The following TMEM132D variants were observed in gnomAD, a reference collection of about 807,000 sequenced individuals.
TMEM132D encodes the protein transmembrane protein 132D, also known as mature OL transmembrane protein.
In TMEM132D, 21 loss-of-function variants were observed where a neutral mutation model predicts 62.3. That is an observed-to-expected ratio of 0.34 (90% CI 0.24 to 0.49). The LOEUF is 0.49. TMEM132D is among the 20% of genes least tolerant of loss of function. The pLI is 0.99. For missense variants in TMEM132D, 1,346 were observed against 1,402.8 expected (o/e 0.96, Z 0.65); for synonymous variants, 621 against 575.6 (o/e 1.08, Z -1.13).
At chr12:129,479,418 TG>T (rs980467455) in intron 3 of TMEM132D, among the ~76,000 whole-genome samples, 9 of 152,202 alleles carry the variant, frequency 5.9e-5, no homozygotes, top group African/African-American at 1.7e-4. Context: ...AATTTCTTGG[TG>T]GGGGGAATCC....
chr12:129,666,801 C>T (rs572074150), intron 2 of TMEM132D, among the ~76,000 whole-genome samples: 15 of 152,234 alleles, frequency 9.9e-5, no homozygotes, highest in South Asian at 4.1e-4. Context: ...AATTGAGTTA[C>T]TGGAGAAACA....
At chr12:129,293,175 A>C (rs1881491500) in intron 4 of TMEM132D, among the ~76,000 whole-genome samples, 1 of 152,106 alleles carries the variant, frequency 6.6e-6, no homozygotes, top group Admixed American at 6.5e-5. Context: ...AAGCATCCTC[A>C]TGTGCCCAGG....
chr12:129,390,997 T>G (rs533278564), intron 3 of TMEM132D, among the ~76,000 whole-genome samples: 1 of 152,342 alleles, frequency 6.6e-6, no homozygotes, highest in South Asian at 2.1e-4. Context: ...TACACACTCA[T>G]GCATATCTAG....
chr12:129,406,052 A>G (rs1871774667), intron 3 of TMEM132D, among the ~76,000 whole-genome samples: 1 of 152,244 alleles, frequency 6.6e-6, no homozygotes, highest in Admixed American at 6.5e-5. Flanking sequence ...TTTCTTCATA[A>G]ACACACATTC....
At position 129,089,217 on chromosome 12, in the gene TMEM132D, G is replaced by A. The variant is rs547586487; in HGVS notation, c.1444-4515C>T. Among the ~76,000 whole-genome samples, 169 of 37,242 alleles carry A rather than the reference G, an allele frequency of 4.5e-3. 52 individuals carry two copies. Among genetic ancestry groups the A allele is most frequent in the Non-Finnish European group, 5.9e-3 (136 of 23,176 alleles). 24.4% of individuals were successfully genotyped at this position (37,242 alleles called of 152,430 possible). A position where few individuals can be genotyped will look rare whatever the true frequency, so the allele number is the denominator to read the frequency against. ...CCATGACCGGGTGTCCTCTATGACC[G>A]GGTGTCCTCTATGACCGGGTGTCCT... On this transcript the variant is annotated intron_variant, in intron 5 of 8. Coordinates refer to ENST00000422113, the MANE Select transcript of TMEM132D (RefSeq NM_133448.3).
intron 3 of TMEM132D, among the ~76,000 whole-genome samples, chr12:129,437,682 A>G (rs947155369): frequency 6.6e-6 from 1 of 152,102 alleles, no homozygotes; most frequent in Non-Finnish European, 1.5e-5. Context: ...CATAGGATAC[A>G]GACATTCCAT....
chr12:129,512,521 T>G (rs7304719), intron 3 of TMEM132D, among the ~76,000 whole-genome samples: 2,224 of 152,270 alleles, frequency 0.015, 58 homozygotes, highest in African/African-American at 0.05. Context: ...CCCAGCAATA[T>G]TGTAGTGTAA....
intron 5 of TMEM132D, among the ~76,000 whole-genome samples, chr12:129,147,062 T>C (rs1013285311): frequency 6.6e-6 from 1 of 151,986 alleles, no homozygotes. Flanking sequence ...GCAAGAATAA[T>C]GCAAAGAAAA....
At chr12:129,180,779 T>G (rs1808656186) in intron 5 of TMEM132D, among the ~76,000 whole-genome samples, 1 of 110,336 alleles carries the variant, frequency 9.1e-6, no homozygotes, top group African/African-American at 3.1e-5. Flanking sequence ...CCTTGTCTTC[T>G]CTTCATCAGG....
At position 129,373,677 on chromosome 12, in the gene TMEM132D, A is replaced by T. The variant is rs574935751; in HGVS notation, c.1116-35860T>A. On this transcript the variant is annotated intron_variant, in intron 3 of 8. Transcript: ENST00000422113. The stretch of plus-strand genomic sequence containing the variant: ...ACAAAATAAAAAAAACAACAAAAAA[A>T]CATTTAAAAGCGGCAGGAAGCATGT... Among the ~76,000 whole-genome samples the T allele has an allele frequency of 5.0e-3, 757 of 152,226 alleles. 7 individuals carry two copies. The highest frequency in any genetic ancestry group is 0.014 in the Middle Eastern group (4 of 294).
At chr12:129,785,755 G>A (rs138243386) in intron 1 of TMEM132D, among the ~76,000 whole-genome samples, 223 of 152,246 alleles carry the variant, frequency 1.5e-3, no homozygotes, top group African/African-American at 5.2e-3. Context: ...TCAGTCTATC[G>A]TATTTTTGTT....
At chr12:129,218,389 TAC>T (rs1879267460) in intron 4 of TMEM132D, among the ~76,000 whole-genome samples, 2 of 152,298 alleles carry the variant, frequency 1.3e-5, no homozygotes, top group South Asian at 2.1e-4. Context: ...CAGAGCATAC[TAC>T]ACACCTGGCC....
Position 129,190,065 on chromosome 12 carries a change from C to CGGCCTGCAGATGGAGGAAGGGAGTCTCA in TMEM132D, c.1443+19427_1443+19454dup, listed in dbSNP as rs1565992236. The stretch of plus-strand genomic sequence containing the variant: ...GAAGATGCAGGGAAGGGTCTTGGGA[C>CGGCCTGCAGATGGAGGAAGGGAGTCTCA]GGCCTGCAGATGGAGGAAGGGAGTC... On this transcript the variant is annotated intron_variant, in intron 5 of 8. Coordinates refer to ENST00000422113, the MANE Select transcript of TMEM132D (RefSeq NM_133448.3). Among the ~76,000 whole-genome samples, 42 of 149,794 alleles carry CGGCCTGCAGATGGAGGAAGGGAGTCTCA rather than the reference C, an allele frequency of 2.8e-4. 3 individuals are homozygous for CGGCCTGCAGATGGAGGAAGGGAGTCTCA. Among genetic ancestry groups the CGGCCTGCAGATGGAGGAAGGGAGTCTCA allele is most frequent in the East Asian group, 2.2e-3 (11 of 5,022 alleles).
intron 5 of TMEM132D, among the ~76,000 whole-genome samples, chr12:129,108,297 G>A (rs1039174926): frequency 5.3e-5 from 8 of 152,134 alleles, no homozygotes; most frequent in Admixed American, 4.6e-4. Flanking sequence ...CATGTTCACC[G>A]TGTGGCACCT....
chr12:129,079,178 T>C (rs1874374780), intron 7 of TMEM132D, among the ~76,000 whole-genome samples: 1 of 152,246 alleles, frequency 6.6e-6, no homozygotes. Context: ...GGTTACATAT[T>C]GATAGCTTTC....
At chr12:129,319,068 G>T (rs1381180248) in intron 4 of TMEM132D, among the ~76,000 whole-genome samples, 2 of 152,120 alleles carry the variant, frequency 1.3e-5, no homozygotes, top group Admixed American at 6.5e-5. Context: ...AAAGGTCTTG[G>T]TTCTTCCCCG....
At chr12:129,151,881 T>A (rs1388295854) in intron 5 of TMEM132D, among the ~76,000 whole-genome samples, 3 of 40,250 alleles carry the variant, frequency 7.5e-5, no homozygotes, top group Non-Finnish European at 2.0e-4. Flanking sequence ...TGATTCAACC[T>A]TTTTTTTTTT....
At chr12:129,636,819 T>C (rs555381677) in intron 2 of TMEM132D, among the ~76,000 whole-genome samples, 1 of 152,040 alleles carries the variant, frequency 6.6e-6, no homozygotes, top group Non-Finnish European at 1.5e-5. Context: ...CTGACTGGTA[T>C]GAATCTCCCT....
chr12:129,862,196 G>A (rs992211166), intron 1 of TMEM132D, among the ~76,000 whole-genome samples: 23 of 152,164 alleles, frequency 1.5e-4, no homozygotes, highest in African/African-American at 4.6e-4. Context: ...TGGGAAGTGG[G>A]AAAAATAAAC....
Sources: allele counts gnomAD v4.1 joint callset (sites outside exome capture counted in the v4.1 genomes callset), GRCh38; gene constraint gnomAD v4.1.1; transcripts MANE v1.5; gene names NCBI Gene and HGNC (gene_info 2026-07-23, HGNC 2026-07-21).